Variants in NAA35 observed in about 807,000 individuals in gnomAD.
NAA35 encodes the protein MAK10 homolog, amino-acid N-acetyltransferase subunit.
Under a neutral mutation model 101.7 loss-of-function variants are expected in NAA35, and 18 were observed. The observed-to-expected ratio is 0.18, with a 90% confidence interval of 0.12 to 0.26. The LOEUF (loss-of-function observed/expected upper bound fraction) is 0.26, where lower values mean the gene tolerates loss of function less well. NAA35 is among the 10% of genes least tolerant of loss of function. The probability of loss-of-function intolerance (pLI) is 1.00; values close to 1 mark genes in which losing one functional copy is unlikely to be tolerated. For synonymous variants in NAA35, 267 were observed against 273.1 expected (o/e 0.98, Z 0.22); for missense variants, 601 against 886.8 (o/e 0.68, Z 4.09).
At chr9:86,006,357 G>A (rs986199513) in intron 13 of NAA35, among the ~76,000 whole-genome samples, 3 of 152,176 alleles carry the variant, frequency 2.0e-5, no homozygotes, top group Non-Finnish European at 2.9e-5. Context: ...CTCTGCAAAT[G>A]TGTAGAGCTG....
intron 13 of NAA35, among the ~76,000 whole-genome samples, chr9:86,005,351 G>A (rs1007391693): frequency 6.6e-6 from 1 of 152,036 alleles, no homozygotes; most frequent in Non-Finnish European, 1.5e-5. Flanking sequence ...CCTGATAAAG[G>A]ACATATACAA....
chr9:85,958,891 A>G (rs1829388336), intron 4 of NAA35, among the ~76,000 whole-genome samples: 2 of 152,308 alleles, frequency 1.3e-5, no homozygotes, highest in South Asian at 4.1e-4. Context: ...ATATATTCAT[A>G]TATAAAAGTA....
rs1177807938 is a variant in NAA35, at chr9:86,009,881, A to C, written c.1240A>C (p.Asn414His). The change falls in exon 15 of 23, where the codon AAT (asparagine) becomes CAT (histidine). Residue 414 changes from asparagine (N) to histidine (H), a missense_variant. By Grantham distance (68) the Asn-to-His change is moderately conservative (BLOSUM62 1). Coordinates refer to ENST00000361671, the MANE Select transcript of NAA35 (RefSeq NM_024635.4). ...VLSPKCYLYNNHQAKDCIDSF... is the reference protein window; with the variant it reads ...VLSPKCYLYNHHQAKDCIDSF... ...ATCTTGCAGGTGCTACCTATATAAT[A>C]ATCACCAGGCTAAGGACTGTATCGA... 1 of 1,612,878 alleles carries C rather than the reference A, an allele frequency of 6.2e-7. No homozygotes were observed. The highest frequency in any genetic ancestry group is 1.7e-5 in the Admixed American group (1 of 59,942).
chr9:86,025,309 G>A lies in NAA35; in HGVS notation c.*3349G>A, dbSNP rs571103577. The stretch of plus-strand genomic sequence containing the variant: ...AGTAAAGATTGCTGGCGACTGGGGC[G>A]AGCTCTTTCTTGAAGGGGTGGGGCA... On this transcript the variant is annotated 3_prime_UTR_variant, in exon 23 of 23. Coordinates refer to ENST00000361671, the MANE Select transcript of NAA35 (RefSeq NM_024635.4). 1.3e-5 allele frequency among the ~76,000 whole-genome samples: 2 copies of A among 152,208 alleles called. No homozygotes were observed. The highest frequency in any genetic ancestry group is 2.1e-4 in the South Asian group (1 of 4,818).
At chr9:85,946,684 A>ATT (rs111378968) in intron 2 of NAA35, among the ~76,000 whole-genome samples, 10,356 of 146,046 alleles carry the variant, frequency 0.071, 1,236 homozygotes, top group African/African-American at 0.24. Flanking sequence ...TTTTTTTGCG[A>ATT]TTTTTTTTTT....
At chr9:86,020,332 G>T (rs1307208584) in intron 21 of NAA35, among the ~76,000 whole-genome samples, 1 of 152,298 alleles carries the variant, frequency 6.6e-6, no homozygotes, top group Admixed American at 6.5e-5. Context: ...TCAAAGATGA[G>T]TCTGTGCTCC....
chr9:85,974,960 TG>T lies in NAA35; in HGVS notation c.517-6del. On this transcript the variant is annotated splice_region_variant and splice_polypyrimidine_tract_variant and intron_variant, in intron 6 of 22. Coordinates refer to ENST00000361671, the MANE Select transcript of NAA35 (RefSeq NM_024635.4). Reference sequence around the variant, plus strand: ...TTCATGAGCCTGATTATTTCCTTTTTGTATAGGAAGATTTTCAGTCAATGAC... The same window carrying T: ...TTCATGAGCCTGATTATTTCCTTTTTTATAGGAAGATTTTCAGTCAATGAC... 1.2e-6 allele frequency: 2 copies of T among 1,606,696 alleles called. No homozygotes were observed. Among genetic ancestry groups the T allele is most frequent in the Non-Finnish European group, 1.7e-6 (2 of 1,175,394 alleles).
intron 2 of NAA35, among the ~76,000 whole-genome samples, chr9:85,955,341 TATATATATA>T (rs1829199602): frequency 1.4e-5 from 1 of 69,694 alleles, no homozygotes; most frequent in Non-Finnish European, 3.0e-5. Context: ...TATATATATA[TATATATATA>T]TATATATATA....
chr9:86,021,369 A>G (rs142444328), intron 22 of NAA35, among the ~76,000 whole-genome samples: 5 of 152,316 alleles, frequency 3.3e-5, no homozygotes, highest in African/African-American at 1.2e-4. Context: ...TTTTCTTGGT[A>G]ATGTTATATC....
intron 5 of NAA35, among the ~76,000 whole-genome samples, chr9:85,960,652 G>T (rs777638328): frequency 3.3e-5 from 5 of 152,120 alleles, no homozygotes; most frequent in South Asian, 4.1e-4. Flanking sequence ...CCCCCTCAAA[G>T]ATTTCTTTAT....
intron 18 of NAA35, 107 bp downstream of exon 18, chr9:86,016,782 C>A (rs1321090336): frequency 4.4e-6 from 5 of 1,149,244 alleles, no homozygotes; most frequent in Non-Finnish European, 4.8e-6. Context: ...AGTTCTTGTT[C>A]CTCTTTTCAG....
intron 11 of NAA35, among the ~76,000 whole-genome samples, chr9:85,983,107 A>G (rs1830500551): frequency 6.6e-6 from 1 of 152,174 alleles, no homozygotes; most frequent in Non-Finnish European, 1.5e-5. Context: ...ACCTCACAAT[A>G]CTAAAAGTTT....
At chr9:85,941,311 G>A in intron 1 of NAA35, 38 bp downstream of exon 1, 1 of 985,604 alleles carries the variant, frequency 1.0e-6, no homozygotes, top group Non-Finnish European at 1.2e-6. Context: ...AAACCCTCTC[G>A]CTCGTGTGTC....
At chr9:85,986,354 A>G (rs1830646282) in intron 11 of NAA35, 2 of 464,778 alleles carry the variant, frequency 4.3e-6, no homozygotes, top group Admixed American at 2.4e-5. Context: ...AACCAAAATT[A>G]TGATCTAACA....
Position 85,993,714 on chromosome 9 carries a change from T to A in NAA35, c.878-2685T>A, listed in dbSNP as rs1831030520. 2.0e-5 allele frequency among the ~76,000 whole-genome samples: 3 copies of A among 152,162 alleles called. No individual in the cohort carries two copies. In the South Asian group the frequency reaches 6.2e-4, roughly 32 times the overall value. ...AGTTTCTCCCACACGTGGAAGAAAC[T>A]TGTAGTTGTGGTTATTTCTCCAGAG... is the stretch of plus-strand genomic sequence containing the variant. On this transcript the variant is annotated intron_variant, in intron 11 of 22. Transcript: ENST00000361671.
rs1732486072 is a variant in NAA35, at chr9:85,991,906, G to A, written c.878-4493G>A. Among the ~76,000 whole-genome samples the A allele has an allele frequency of 5.3e-5, 8 of 152,284 alleles. No homozygotes were observed. The South Asian group carries it at 1.7e-3, about 32-fold the overall frequency. On this transcript the variant is annotated intron_variant, in intron 11 of 22. Transcript: ENST00000361671. ...AAGAGGTGGATGGGCCGGGCGTGGT[G>A]GCTCACACCTGTAATCCCAGCACTT...
intron 21 of NAA35, 112 bp from the exon 22 acceptor site, chr9:86,020,777 C>A: frequency 1.5e-6 from 1 of 674,872 alleles, no homozygotes; most frequent in Admixed American, 2.8e-5. Flanking sequence ...CTTCAGTGAG[C>A]CGTGTTCTTA....
At chr9:85,943,548 T>G (rs1429332806) in intron 2 of NAA35, among the ~76,000 whole-genome samples, 2 of 152,154 alleles carry the variant, frequency 1.3e-5, no homozygotes, top group African/African-American at 4.8e-5. Context: ...CATCCTTTGT[T>G]TTGAAATCAC....
chr9:85,987,590 G>A (rs556792098), intron 11 of NAA35, among the ~76,000 whole-genome samples: 34 of 152,306 alleles, frequency 2.2e-4, no homozygotes, highest in African/African-American at 7.9e-4. Flanking sequence ...CCACACATGT[G>A]TGCTTGTGTG....
Sources: gnomAD v4.1 joint callset for allele counts (sites outside exome capture counted in the v4.1 genomes callset) on GRCh38, gnomAD v4.1.1 for gene constraint, MANE v1.5 for transcripts, NCBI Gene and HGNC (gene_info 2026-07-23, HGNC 2026-07-21) for gene names.